The following MGAT4C variants were observed in gnomAD, a reference collection of about 807,000 sequenced individuals.
The protein encoded by MGAT4C is MGAT4 family member C, also known as alpha-1,3-mannosyl-glycoprotein 4-beta-N-acetylglucosaminyltransferase C.
MGAT4C carries 19 observed loss-of-function variants against 40.1 expected under a neutral mutation model. The ratio of observed to expected loss-of-function variants is 0.47; its 90% confidence interval spans 0.33 to 0.70. The LOEUF (loss-of-function observed/expected upper bound fraction) is 0.70, where lower values mean the gene tolerates loss of function less well. MGAT4C is among the 30% of genes least tolerant of loss of function. MGAT4C has a pLI of 0.02. For synonymous variants in MGAT4C, 181 were observed against 187.1 expected, an observed-to-expected ratio of 0.97 and a Z score of 0.27; for missense variants, 491 against 563.2, an observed-to-expected ratio of 0.87 and a Z score of 1.30.
chr12:86,302,825 G>T (rs1173721435), intron 4 of MGAT4C, among the ~76,000 whole-genome samples: 2 of 150,614 alleles, frequency 1.3e-5, no homozygotes, highest in South Asian at 4.1e-4. Flanking sequence ...GAGACTGCCA[G>T]TCGACCAATG....
chr12:86,805,966 T>C (rs1251307444), intron 1 of MGAT4C, among the ~76,000 whole-genome samples: 2 of 151,940 alleles, frequency 1.3e-5, no homozygotes, highest in African/African-American at 4.8e-5. Flanking sequence ...CTCTGATGAT[T>C]TAGTGATGTT....
chr12:86,723,255 G>C (rs907571054), intron 2 of MGAT4C, among the ~76,000 whole-genome samples: 4 of 152,142 alleles, frequency 2.6e-5, no homozygotes, highest in Admixed American at 2.6e-4. Context: ...CTAAGCCACT[G>C]TGGATGTTAT....
chr12:86,225,390 C>T (rs920834717), intron 1 of MGAT4C, among the ~76,000 whole-genome samples: 1 of 151,980 alleles, frequency 6.6e-6, no homozygotes, highest in Admixed American at 6.6e-5. Context: ...TATCAATCTT[C>T]CTGAAACTAT....
At chr12:86,204,618 C>T (rs1950182424) in intron 1 of MGAT4C, among the ~76,000 whole-genome samples, 1 of 152,098 alleles carries the variant, frequency 6.6e-6, no homozygotes. Context: ...CTGCTATTTT[C>T]TGTTCAAAGT....
intron 1 of MGAT4C, among the ~76,000 whole-genome samples, chr12:86,242,546 C>G (rs1025828083): frequency 6.6e-6 from 1 of 152,100 alleles, no homozygotes; most frequent in Non-Finnish European, 1.5e-5. Context: ...CCTGTACTTT[C>G]TGTTTATCAG....
chr12:86,273,286 T>C (rs1392354448), intron 4 of MGAT4C, among the ~76,000 whole-genome samples: 1 of 152,184 alleles, frequency 6.6e-6, no homozygotes, highest in East Asian at 1.9e-4. Flanking sequence ...AGACTTCTCA[T>C]TTATAGATTA....
At chr12:86,587,465 T>A (rs147950192) in intron 2 of MGAT4C, among the ~76,000 whole-genome samples, 3,052 of 151,994 alleles carry the variant, frequency 0.02, 38 homozygotes, top group East Asian at 0.038. Context: ...ACTTTAAAGT[T>A]GTTTTTTCCA....
chr12:86,756,664 A>G (rs115223932), intron 1 of MGAT4C, among the ~76,000 whole-genome samples: 3,027 of 152,286 alleles, frequency 0.02, 94 homozygotes, highest in African/African-American at 0.069. Context: ...CTGTAATAAC[A>G]GATACAAGAA....
chr12:86,170,121 G>C (rs1269535018), intron 1 of MGAT4C, among the ~76,000 whole-genome samples: 1 of 152,204 alleles, frequency 6.6e-6, no homozygotes, highest in Non-Finnish European at 1.5e-5. Flanking sequence ...AGAAGAGACA[G>C]TATGATTAGT....
intron 1 of MGAT4C, among the ~76,000 whole-genome samples, chr12:86,064,839 A>G (rs1894374329): frequency 6.6e-6 from 1 of 152,172 alleles, no homozygotes; most frequent in Non-Finnish European, 1.5e-5. Context: ...GAAAAGAGAG[A>G]AGAATCAAAT....
intron 1 of MGAT4C, among the ~76,000 whole-genome samples, chr12:86,734,885 A>G (rs1165458386): frequency 6.6e-6 from 1 of 152,074 alleles, no homozygotes; most frequent in Non-Finnish European, 1.5e-5. Flanking sequence ...CATCTGCTGT[A>G]TTTGTTCTGG....
chr12:86,605,841 C>G (rs922161040), intron 2 of MGAT4C, among the ~76,000 whole-genome samples: 4 of 151,966 alleles, frequency 2.6e-5, no homozygotes, highest in African/African-American at 9.7e-5. Context: ...AGTTTATAGG[C>G]TAAGAGAAAA....
chr12:86,500,025 C>CA (rs1248850276), intron 2 of MGAT4C, among the ~76,000 whole-genome samples: 7 of 151,378 alleles, frequency 4.6e-5, no homozygotes, highest in African/African-American at 1.7e-4. Context: ...TTCAACATAT[C>CA]AAAACATGCA....
At position 86,665,428 on chromosome 12, in the gene MGAT4C, G is replaced by C. The variant is rs918130004; in HGVS notation, c.-229+61781C>G. On this transcript the variant is annotated intron_variant, in intron 2 of 7. Coordinates refer to the MGAT4C transcript ENST00000548651. ...GCCTTGCTCTGTCACCTCGGCTGGAGTGCAGTGGCGTGATCTCGGCTCACT... is the reference window on the plus strand; with the variant it reads ...GCCTTGCTCTGTCACCTCGGCTGGACTGCAGTGGCGTGATCTCGGCTCACT... Among the ~76,000 whole-genome samples, 4 of 151,896 alleles carry C rather than the reference G, an allele frequency of 2.6e-5. No homozygotes were observed. The East Asian group carries it at 7.8e-4, about 29-fold the overall frequency.
intron 1 of MGAT4C, among the ~76,000 whole-genome samples, chr12:86,199,327 C>T (rs78047746): frequency 0.017 from 2,594 of 151,960 alleles, 72 homozygotes; most frequent in African/African-American, 0.059. Flanking sequence ...AGGAAGGATC[C>T]AGGGTAATGC....
chr12:86,096,701 G>T (rs572184455), intron 1 of MGAT4C, among the ~76,000 whole-genome samples: 2 of 151,362 alleles, frequency 1.3e-5, no homozygotes, highest in African/African-American at 4.8e-5. Context: ...AAAGTAGAGG[G>T]TTTTATTTTT....
At chr12:86,530,551 C>T (rs990336974) in intron 2 of MGAT4C, among the ~76,000 whole-genome samples, 3 of 152,002 alleles carry the variant, frequency 2.0e-5, no homozygotes, top group African/African-American at 7.2e-5. Context: ...CAAACTAAAT[C>T]ATACCTTATT....
chr12:86,688,157 C>CTTTTTTTTTTTTTTTTTTTTT (rs55637680), intron 2 of MGAT4C, among the ~76,000 whole-genome samples: 1 of 65,188 alleles, frequency 1.5e-5, no homozygotes, highest in African/African-American at 6.4e-5. Flanking sequence ...GCAACCCCTG[C>CTTTTTTTTTTTTTTTTTTTTT]TTTTTTTTTT....
intron 1 of MGAT4C, among the ~76,000 whole-genome samples, chr12:86,126,260 G>T (rs1566019842): frequency 6.6e-6 from 1 of 151,550 alleles, no homozygotes; most frequent in Admixed American, 6.6e-5. Context: ...TACTAATAAA[G>T]AATATATATG....
Sources: allele counts gnomAD v4.1 joint callset (sites outside exome capture counted in the v4.1 genomes callset), GRCh38; gene constraint gnomAD v4.1.1; transcripts MANE v1.5; gene names NCBI Gene and HGNC (gene_info 2026-07-23, HGNC 2026-07-21).